The following LIFR variants were observed in gnomAD, a reference collection of about 807,000 sequenced individuals.
The protein encoded by LIFR is LIF receptor subunit alpha, also known as leukemia inhibitory factor receptor.
LIFR carries 84 observed loss-of-function variants against 122.2 expected under a neutral mutation model. The ratio of observed to expected loss-of-function variants is 0.69; its 90% CI spans 0.58 to 0.82. LIFR has a LOEUF of 0.82. Among genes scored for constraint, LIFR ranks in the 40% least tolerant of loss-of-function variants. The probability of loss-of-function intolerance (pLI) is 0.00; values close to 1 mark genes in which losing one functional copy is unlikely to be tolerated. For synonymous variants in LIFR, 422 were observed against 434.7 expected, an observed-to-expected ratio of 0.97 and a Z score of 0.36; for missense variants, 1,294 against 1,311.6, an observed-to-expected ratio of 0.99 and a Z score of 0.21.
intron 2 of LIFR, among the ~76,000 whole-genome samples, chr5:38,529,294 T>A (rs1746875390): frequency 6.6e-6 from 1 of 151,888 alleles, no homozygotes; most frequent in South Asian, 2.1e-4. Flanking sequence ...AACAAAGAAG[T>A]CTTAAGTAAA....
In LIFR at chr5:38,474,797, A is replaced by G. The variant is rs1227271605; in HGVS notation, c.*6798T>C. 2.0e-5 allele frequency among the ~76,000 whole-genome samples: 3 copies of G among 152,328 alleles called. No individual in the cohort carries two copies. The highest frequency in any genetic ancestry group is 3.4e-3 in the Middle Eastern group (1 of 294). On this transcript the variant is annotated 3_prime_UTR_variant, in exon 20 of 20. Transcript: ENST00000453190. Reference sequence around the variant, plus strand: ...CAGATGGATGTTACACCAATGGCACAGCAATGTACTCAAATGTTAAAAATA... The same window carrying G: ...CAGATGGATGTTACACCAATGGCACGGCAATGTACTCAAATGTTAAAAATA...
At chr5:38,598,465 TA>T (rs1333380097), upstream of LIFR, among the ~76,000 whole-genome samples, 1 of 151,792 alleles carries the variant, frequency 6.6e-6, no homozygotes, top group Non-Finnish European at 1.5e-5. Context: ...AGGCTGGTCT[TA>T]AACTCCTGAC....
chr5:38,552,985 A>T (rs1370106363), intron 1 of LIFR, among the ~76,000 whole-genome samples: 1 of 152,192 alleles, frequency 6.6e-6, no homozygotes, highest in Non-Finnish European at 1.5e-5. Flanking sequence ...CAGCCTATAG[A>T]GGAACTCCAC....
chr5:38,499,798 A>G (rs1745082616), intron 11 of LIFR, among the ~76,000 whole-genome samples: 1 of 152,160 alleles, frequency 6.6e-6, no homozygotes, highest in African/African-American at 2.4e-5. Flanking sequence ...CCTGCAGGCC[A>G]GCTGTACTGA....
chr5:38,559,316 T>TA (rs1368612441), upstream of LIFR: 6 of 152,234 alleles, frequency 3.9e-5, no homozygotes, highest in Admixed American at 3.9e-4. Context: ...GCAAGAGCTT[T>TA]AAAAATATGT....
rs188872073 is a variant in LIFR, at chr5:38,521,325, A to C, written c.561+2094T>G. On this transcript the variant is annotated intron_variant, in intron 5 of 19. Coordinates refer to ENST00000453190, the MANE Select transcript of LIFR (RefSeq NM_001127671.2). ...TTTACAGATCTAAGTTTTTTGGGGG[A>C]GTCTTTACACTTTTCTAGATACAAG... Among the ~76,000 whole-genome samples the C allele has an allele frequency of 3.9e-4, 59 of 152,116 alleles. 1 individual carries two copies. The highest frequency in any genetic ancestry group is 2.6e-3 in the Admixed American group (40 of 15,286).
chr5:38,562,100 C>T (rs1748859471), intron 1 of LIFR, among the ~76,000 whole-genome samples: 1 of 152,158 alleles, frequency 6.6e-6, no homozygotes, highest in Admixed American at 6.5e-5. Context: ...GACAGCCCTA[C>T]CAAACCCTCT....
intron 1 of LIFR, among the ~76,000 whole-genome samples, chr5:38,588,256 C>T (rs920482034): frequency 6.6e-6 from 1 of 152,150 alleles, no homozygotes; most frequent in African/African-American, 2.4e-5. Context: ...GTTGAGAGGC[C>T]TAGAACTGTC....
At chr5:38,590,095 C>A (rs546237369) in intron 1 of LIFR, among the ~76,000 whole-genome samples, 86 of 152,300 alleles carry the variant, frequency 5.6e-4, no homozygotes, top group Admixed American at 3.1e-3. Context: ...GAGTTAGCCT[C>A]AAGTCTTTTC....
chr5:38,589,843 CAGATTTGG>C, intron 1 of LIFR, among the ~76,000 whole-genome samples: 1 of 152,084 alleles, frequency 6.6e-6, no homozygotes, highest in Non-Finnish European at 1.5e-5. Flanking sequence ...CTACATTTCC[CAGATTTGG>C]AAACCTGGAA....
Position 38,528,844 on chromosome 5 carries a change from GA to G in LIFR, c.143-5del. 7.1e-7 allele frequency: 1 copy of G among 1,407,106 alleles called. No homozygotes were observed. Among genetic ancestry groups the G allele is most frequent in the Non-Finnish European group, 9.8e-7 (1 of 1,025,442 alleles). The allele number at this position is 1,407,106 out of a possible 1,614,324, so 87.2% of individuals were successfully genotyped here. A position where few individuals can be genotyped will look rare whatever the true frequency, so the allele number is the denominator to read the frequency against. On this transcript the variant is annotated splice_region_variant and splice_polypyrimidine_tract_variant and intron_variant, in intron 2 of 19. Transcript: ENST00000453190. The stretch of plus-strand genomic sequence containing the variant: ...CACTTCAAATCATGAGGAGCCCCTG[GA>G]GGAGACACACACACACACACACACA...
At chr5:38,601,310 C>T (rs1316001538) in intron 2 of LIFR, among the ~76,000 whole-genome samples, 1 of 152,176 alleles carries the variant, frequency 6.6e-6, no homozygotes, top group Non-Finnish European at 1.5e-5. Context: ...TTGGCCTTCC[C>T]AGCCTCTAGA....
intron 5 of LIFR, among the ~76,000 whole-genome samples, chr5:38,517,881 A>G (rs1281752828): frequency 1.4e-5 from 2 of 139,808 alleles, no homozygotes; most frequent in Non-Finnish European, 3.1e-5. Context: ...AAAAAAAAAA[A>G]GGATGGGCTT....
intron 9 of LIFR, among the ~76,000 whole-genome samples, chr5:38,504,713 C>T (rs1289949467): frequency 6.6e-6 from 1 of 152,144 alleles, no homozygotes; most frequent in African/African-American, 2.4e-5. Flanking sequence ...GAAAGAATCA[C>T]ATGGGAAATA....
chr5:38,517,836 A>G, intron 5 of LIFR, among the ~76,000 whole-genome samples: 1 of 137,544 alleles, frequency 7.3e-6, no homozygotes, highest in Non-Finnish European at 1.5e-5. Context: ...CAGCATGTGC[A>G]ACAGAGCAAG....
chr5:38,484,938 G>C, intron 17 of LIFR, 70 bp from the exon 18 acceptor site: 4 of 1,050,454 alleles, frequency 3.8e-6, no homozygotes, highest in Non-Finnish European at 5.9e-6. Context: ...ATGTATGTTA[G>C]AAGGTATTTA....
chr5:38,546,436 T>C (rs1413083322), intron 1 of LIFR, among the ~76,000 whole-genome samples: 1 of 152,228 alleles, frequency 6.6e-6, no homozygotes, highest in Non-Finnish European at 1.5e-5. Context: ...TTAAAAACCC[T>C]TGAATTATTT....
intron 14 of LIFR, among the ~76,000 whole-genome samples, chr5:38,492,185 A>C (rs1347017218): frequency 2.0e-5 from 3 of 152,110 alleles, no homozygotes; most frequent in Admixed American, 1.3e-4. Flanking sequence ...ATCACATACT[A>C]ATTTTGTGAC....
At chr5:38,597,569 G>C (rs986095090), upstream of LIFR, among the ~76,000 whole-genome samples, 1 of 152,206 alleles carries the variant, frequency 6.6e-6, no homozygotes, top group Non-Finnish European at 1.5e-5. Flanking sequence ...ATTTTTGGTT[G>C]TCACAACTGG....
Sources: gnomAD v4.1 joint callset for allele counts (sites outside exome capture counted in the v4.1 genomes callset) on GRCh38, gnomAD v4.1.1 for gene constraint, MANE v1.5 for transcripts, NCBI Gene and HGNC (gene_info 2026-07-23, HGNC 2026-07-21) for gene names.